MATN2: variants seen among roughly 807,000 people sequenced by gnomAD.
MATN2 encodes matrilin 2.
Under a neutral mutation model 103.2 loss-of-function variants are expected in MATN2, and 69 were observed. The observed-to-expected ratio is 0.67, with a 90% CI of 0.55 to 0.82. The LOEUF (loss-of-function observed/expected upper bound fraction) is 0.82. Ranked by LOEUF, MATN2 falls within the 40% of genes least tolerant of loss-of-function variation. The pLI is 0.00. For missense variants in MATN2, 1,023 were observed against 1,211.5 expected (o/e 0.84, Z 2.31); for synonymous variants, 429 against 450.2 (o/e 0.95, Z 0.60).
intron 10 of MATN2, among the ~76,000 whole-genome samples, chr8:98,009,648 GC>G (rs1016023318): frequency 1.8e-4 from 27 of 152,170 alleles, no homozygotes; most frequent in African/African-American, 5.8e-4. Context: ...CCTTCCTCCA[GC>G]CCCCTGACCG....
At chr8:98,000,083 G>A (rs1471560680) in intron 7 of MATN2, among the ~76,000 whole-genome samples, 1 of 151,334 alleles carries the variant, frequency 6.6e-6, no homozygotes, top group African/African-American at 2.4e-5. Flanking sequence ...CTTTCACCAT[G>A]TTGGCCAGGC....
At chr8:97,971,082 T>C (rs1204306580) in intron 5 of MATN2, among the ~76,000 whole-genome samples, 1 of 152,196 alleles carries the variant, frequency 6.6e-6, no homozygotes. Flanking sequence ...GGTTAGGCAG[T>C]CATAAATGGG....
intron 7 of MATN2, among the ~76,000 whole-genome samples, chr8:98,000,337 G>A (rs144983559): frequency 0.045 from 6,778 of 151,564 alleles, 491 homozygotes; most frequent in African/African-American, 0.15. Context: ...GGTGGCTCAC[G>A]CCTATAATCC....
Position 98,035,700 on chromosome 8 carries a change from G to GA in MATN2, c.2860dup (p.Arg954LysfsTer39). The GA allele has an allele frequency of 6.3e-7, 1 of 1,598,510 alleles. No homozygotes were observed. The highest frequency in any genetic ancestry group is 8.5e-7 in the Non-Finnish European group (1 of 1,170,072). Reference sequence around the variant, plus strand: ...GAATGGAAGCCCTGGAAAATCGCCTGAGATACAGATGAAGATTAGAAATCG... The same window carrying GA: ...GAATGGAAGCCCTGGAAAATCGCCTGAAGATACAGATGAAGATTAGAAATCG... On this transcript the variant is annotated frameshift_variant, in exon 19 of 19. Transcript: ENST00000254898. LOFTEE classifies it high-confidence loss of function.
At chr8:98,026,008 T>C (rs528528513) in intron 13 of MATN2, among the ~76,000 whole-genome samples, 1 of 151,000 alleles carries the variant, frequency 6.6e-6, no homozygotes, top group Non-Finnish European at 1.5e-5. Context: ...CAAAACCCCG[T>C]CTCTACTAAA....
intron 13 of MATN2, chr8:98,025,831 C>A: frequency 2.6e-6 from 1 of 377,840 alleles, no homozygotes; most frequent in Non-Finnish European, 5.1e-6. Flanking sequence ...CTCTCCACAC[C>A]CAAATTGCTT....
At chr8:97,989,121 G>A (rs9785069) in intron 6 of MATN2, among the ~76,000 whole-genome samples, 3,375 of 152,252 alleles carry the variant, frequency 0.022, 122 homozygotes, top group African/African-American at 0.077. Flanking sequence ...ATGCAGAAAA[G>A]GCATTGGATA....
At chr8:97,898,246 C>A (rs1818876880) in intron 2 of MATN2, among the ~76,000 whole-genome samples, 1 of 152,138 alleles carries the variant, frequency 6.6e-6, no homozygotes, top group Admixed American at 6.6e-5. Context: ...AACCTTACCC[C>A]TAAGGAGCCA....
intron 17 of MATN2, 55 bp from the exon 18 acceptor site, chr8:98,033,506 C>T (rs1467287326): frequency 7.8e-6 from 7 of 894,950 alleles, no homozygotes; most frequent in South Asian, 7.1e-5. Flanking sequence ...TATTATTATG[C>T]GTCTGGGAAG....
chr8:97,895,642 A>C (rs1483409131), intron 2 of MATN2, among the ~76,000 whole-genome samples: 1 of 152,128 alleles, frequency 6.6e-6, no homozygotes, highest in Non-Finnish European at 1.5e-5. Flanking sequence ...GTCTCATTTT[A>C]CTACTAGACT....
intron 13 of MATN2, among the ~76,000 whole-genome samples, chr8:98,022,387 ACCC>A (rs1813629471): frequency 1.3e-5 from 2 of 151,542 alleles, no homozygotes; most frequent in South Asian, 4.2e-4. Context: ...ACATACACAC[ACCC>A]TTTTTCTAAT....
chr8:98,016,909 A>T (rs1813383569), intron 11 of MATN2, among the ~76,000 whole-genome samples: 1 of 152,200 alleles, frequency 6.6e-6, no homozygotes, highest in South Asian at 2.1e-4. Context: ...TAACAAATGG[A>T]CCATACTCAT....
At chr8:97,964,585 T>C (rs1811424972) in intron 5 of MATN2, among the ~76,000 whole-genome samples, 1 of 151,102 alleles carries the variant, frequency 6.6e-6, no homozygotes, top group Non-Finnish European at 1.5e-5. Flanking sequence ...ACCACGTGTG[T>C]GCACCACTGT....
intron 5 of MATN2, among the ~76,000 whole-genome samples, chr8:97,970,278 T>C (rs1202589693): frequency 1.3e-5 from 2 of 152,176 alleles, no homozygotes; most frequent in South Asian, 2.1e-4. Context: ...GGTGTTGCCA[T>C]AGCAACAGTA....
intron 2 of MATN2, among the ~76,000 whole-genome samples, chr8:97,901,803 T>C (rs1362880607): frequency 6.6e-6 from 1 of 152,194 alleles, no homozygotes; most frequent in African/African-American, 2.4e-5. Context: ...AACTCACTCA[T>C]AAAACCATCT....
intron 1 of MATN2, among the ~76,000 whole-genome samples, chr8:97,880,352 T>TGAGAAA (rs1181051350): frequency 6.6e-6 from 1 of 152,164 alleles, no homozygotes; most frequent in Non-Finnish European, 1.5e-5. Flanking sequence ...CAATTCCCCC[T>TGAGAAA]GAGAAAGAGA....
At chr8:98,031,242 C>T (rs79469546) in intron 15 of MATN2, among the ~76,000 whole-genome samples, 4,955 of 151,504 alleles carry the variant, frequency 0.033, 122 homozygotes, top group Middle Eastern at 0.058. Context: ...GGAGACTGAG[C>T]GGGGAGGATC....
chr8:97,913,538 C>T (rs1368920716), intron 2 of MATN2, among the ~76,000 whole-genome samples: 1 of 151,868 alleles, frequency 6.6e-6, no homozygotes, highest in Non-Finnish European at 1.5e-5. Flanking sequence ...TGGTCTTGAA[C>T]TCCTGACCTC....
chr8:97,915,426 A>G (rs1486933639), intron 2 of MATN2, among the ~76,000 whole-genome samples: 3 of 152,184 alleles, frequency 2.0e-5, no homozygotes, highest in Non-Finnish European at 4.4e-5. Flanking sequence ...TGTTTGTACA[A>G]CTCAACCAAA....
Sources: allele counts gnomAD v4.1 joint callset (sites outside exome capture counted in the v4.1 genomes callset), GRCh38; gene constraint gnomAD v4.1.1; transcripts MANE v1.5; gene names NCBI Gene and HGNC (gene_info 2026-07-23, HGNC 2026-07-21).